NELL1: variants seen among roughly 807,000 people sequenced by gnomAD.
The protein encoded by NELL1 is protein kinase C-binding protein NELL1.
NELL1 carries 76 observed loss-of-function variants against 107.4 expected under a neutral mutation model. The observed-to-expected ratio is 0.71, with a 90% CI of 0.59 to 0.86. The LOEUF is 0.86. Ranked by LOEUF, NELL1 falls within the 40% of genes least tolerant of loss-of-function variation. The pLI is 0.00. For synonymous variants in NELL1, 353 were observed against 341.2 expected, an observed-to-expected ratio of 1.03 and a Z score of -0.38; for missense variants, 1,024 against 1,005.5, an observed-to-expected ratio of 1.02 and a Z score of -0.25.
At chr11:21,134,845 A>T (rs963982895) in intron 13 of NELL1, among the ~76,000 whole-genome samples, 1 of 152,216 alleles carries the variant, frequency 6.6e-6, no homozygotes, top group African/African-American at 2.4e-5. Context: ...GAGCCAGCAG[A>T]ACCATGTTTA....
chr11:21,156,144 T>A (rs908431023), intron 13 of NELL1, among the ~76,000 whole-genome samples: 5 of 151,940 alleles, frequency 3.3e-5, no homozygotes, highest in African/African-American at 4.8e-5. Context: ...CTGTTAAAAA[T>A]GAAGGAGGAT....
chr11:21,508,844 G>A (rs1057115856), intron 15 of NELL1, among the ~76,000 whole-genome samples: 1 of 151,854 alleles, frequency 6.6e-6, no homozygotes, highest in African/African-American at 2.4e-5. Context: ...CCTATATCAA[G>A]CATCATATTT....
chr11:21,242,723 G>A (rs773142016), intron 14 of NELL1, among the ~76,000 whole-genome samples: 3 of 151,998 alleles, frequency 2.0e-5, no homozygotes, highest in Non-Finnish European at 2.9e-5. Context: ...CCTTCCAACC[G>A]TGTCATCACC....
At position 21,128,259 on chromosome 11, in the gene NELL1, G is replaced by C. The variant is rs560590265; in HGVS notation, c.1426+14545G>C. 8.5e-5 allele frequency among the ~76,000 whole-genome samples: 13 copies of C among 152,248 alleles called. No individual in the cohort carries two copies. In the South Asian group the frequency reaches 2.7e-3, roughly 32 times the overall value. On this transcript the variant is annotated intron_variant, in intron 13 of 19. Transcript: ENST00000357134. ...CAGTGGTGCTCTAAAGTGAGTCTTTGCCTCATTTATGAGATGTGGCTTTCA... is the reference window on the plus strand; with the variant it reads ...CAGTGGTGCTCTAAAGTGAGTCTTTCCCTCATTTATGAGATGTGGCTTTCA...
At chr11:21,288,546 A>T (rs924466304) in intron 14 of NELL1, among the ~76,000 whole-genome samples, 7 of 152,198 alleles carry the variant, frequency 4.6e-5, no homozygotes. Flanking sequence ...ACTGACATTC[A>T]TCCCAACTCT....
chr11:20,757,982 G>T (rs796503101), intron 2 of NELL1, among the ~76,000 whole-genome samples: 2 of 152,172 alleles, frequency 1.3e-5, no homozygotes, highest in African/African-American at 4.8e-5. Context: ...CTTCCCCCTG[G>T]TTTGCAGATA....
chr11:21,005,766 G>A (rs1049078711), intron 12 of NELL1, among the ~76,000 whole-genome samples: 11 of 152,138 alleles, frequency 7.2e-5, no homozygotes, highest in African/African-American at 2.4e-4. Context: ...AGTGGCAAAC[G>A]TAACCGTGAT....
At chr11:21,470,689 G>A (rs1414320231) in intron 15 of NELL1, among the ~76,000 whole-genome samples, 4 of 152,100 alleles carry the variant, frequency 2.6e-5, no homozygotes, top group Non-Finnish European at 4.4e-5. Context: ...AAGGACAGAA[G>A]CCATGCCTTA....
At chr11:21,524,164 T>C (rs1348574552) in intron 15 of NELL1, among the ~76,000 whole-genome samples, 1 of 152,188 alleles carries the variant, frequency 6.6e-6, no homozygotes, top group Non-Finnish European at 1.5e-5. Context: ...AAGTAGACCT[T>C]GGTTTAAATC....
At chr11:21,440,274 G>C (rs907054405) in intron 15 of NELL1, among the ~76,000 whole-genome samples, 2 of 150,162 alleles carry the variant, frequency 1.3e-5, no homozygotes, top group Non-Finnish European at 2.9e-5. Flanking sequence ...CCTACTTTCT[G>C]TCTTTATTGT....
At chr11:20,816,315 A>G (rs1228520538) in intron 3 of NELL1, among the ~76,000 whole-genome samples, 1 of 152,084 alleles carries the variant, frequency 6.6e-6, no homozygotes. Context: ...TGTGTCATCT[A>G]TGATTTCTTT....
At chr11:21,021,506 T>G (rs2134302852) in intron 12 of NELL1, among the ~76,000 whole-genome samples, 1 of 152,248 alleles carries the variant, frequency 6.6e-6, no homozygotes, top group South Asian at 2.1e-4. Flanking sequence ...AGAGCACGTC[T>G]TAGGGAAGGC....
chr11:20,822,645 G>A (rs766450321), intron 3 of NELL1, among the ~76,000 whole-genome samples: 3 of 152,120 alleles, frequency 2.0e-5, no homozygotes, highest in Non-Finnish European at 2.9e-5. Context: ...GGGTAGCAAG[G>A]TAGTTCTTAC....
chr11:20,947,464 T>TG, intron 11 of NELL1, 29 bp downstream of exon 11: 1 of 1,537,294 alleles, frequency 6.5e-7, no homozygotes, highest in Non-Finnish European at 9.0e-7. Context: ...GGGCCATGCG[T>TG]GGGGTGAGGC....
chr11:21,010,321 G>C (rs1400385), intron 12 of NELL1, among the ~76,000 whole-genome samples: 24,002 of 151,638 alleles, frequency 0.16, 2,033 homozygotes, highest in Middle Eastern at 0.24. Context: ...ATTATCTATT[G>C]CCTTTCTCTT....
chr11:20,682,948 G>A (rs1054030440), intron 2 of NELL1, among the ~76,000 whole-genome samples: 1 of 152,000 alleles, frequency 6.6e-6, no homozygotes, highest in African/African-American at 2.4e-5. Flanking sequence ...TATAGTTGGA[G>A]GCTAACTTTT....
intron 13 of NELL1, among the ~76,000 whole-genome samples, chr11:21,189,874 C>T (rs577779442): frequency 6.6e-6 from 1 of 151,874 alleles, no homozygotes; most frequent in Admixed American, 6.5e-5. Flanking sequence ...GAGTTTAATA[C>T]AGATGTTTGC....
rs146242413 is a variant in NELL1 at position 20,739,883 on chromosome 11, C to T, written c.185-43797C>T. Among the ~76,000 whole-genome samples the T allele has an allele frequency of 7.0e-3, 1,059 of 152,220 alleles. 10 individuals are homozygous for T. Among genetic ancestry groups the T allele is most frequent in the African/African-American group, 0.024 (994 of 41,528 alleles). ...TTTAAAGGAGTCACTCAGAGACATG[C>T]AACAAAACAAAGAGACAATAACCAA... On this transcript the variant is annotated intron_variant, in intron 2 of 19. Transcript: ENST00000357134.
At chr11:21,029,754 A>G (rs1852907074) in intron 12 of NELL1, among the ~76,000 whole-genome samples, 1 of 152,212 alleles carries the variant, frequency 6.6e-6, no homozygotes, top group Non-Finnish European at 1.5e-5. Flanking sequence ...AGGGCATGGA[A>G]GAACATTTGA....
Sources: allele counts gnomAD v4.1 joint callset (sites outside exome capture counted in the v4.1 genomes callset), GRCh38; gene constraint gnomAD v4.1.1; transcripts MANE v1.5; gene names NCBI Gene and HGNC (gene_info 2026-07-23, HGNC 2026-07-21).